Variants in MTMR10 observed in about 807,000 individuals in gnomAD.
MTMR10 encodes myotubularin-related protein 10.
In MTMR10, 56 loss-of-function variants were observed where a neutral mutation model predicts 88.1. That is an observed-to-expected ratio of 0.64 (90% CI 0.51 to 0.79). The LOEUF is 0.79. MTMR10 is among the 30% of genes least tolerant of loss of function. The pLI is 0.00. For missense variants in MTMR10, 883 were observed against 924.7 expected (o/e 0.95, Z 0.58); for synonymous variants, 380 against 340.9 (o/e 1.11, Z -1.26).
intron 6 of MTMR10, among the ~76,000 whole-genome samples, chr15:30,964,647 C>T (rs1178596678): frequency 6.6e-6 from 1 of 152,178 alleles, no homozygotes; most frequent in East Asian, 1.9e-4. Context: ...ATACCAGTGG[C>T]CTGCTCTATG....
intron 15 of MTMR10, chr15:30,942,488 C>G (rs2063088363): frequency 7.7e-6 from 2 of 258,692 alleles, no homozygotes; most frequent in South Asian, 1.0e-4. Flanking sequence ...AAAAAAAATC[C>G]CAAGAATTTA....
intron 6 of MTMR10, among the ~76,000 whole-genome samples, chr15:30,963,264 T>C (rs2063427557): frequency 6.6e-6 from 1 of 152,134 alleles, no homozygotes; most frequent in Admixed American, 6.5e-5. Flanking sequence ...GGAGGGGCTA[T>C]GTTAGGAATT....
intron 14 of MTMR10, among the ~76,000 whole-genome samples, chr15:30,945,833 G>A (rs1301696200): frequency 1.3e-5 from 2 of 152,188 alleles, no homozygotes; most frequent in Non-Finnish European, 2.9e-5. Flanking sequence ...CTATCACCCA[G>A]GCTGGAGTGC....
At chr15:30,991,420 G>A (rs780427101) in intron 1 of MTMR10, 27 bp downstream of exon 1, 3 of 1,467,514 alleles carry the variant, frequency 2.0e-6, no homozygotes, top group South Asian at 1.4e-5. Context: ...GAGGAGAGTC[G>A]GGCGCTCGCG....
intron 6 of MTMR10, among the ~76,000 whole-genome samples, chr15:30,965,183 A>T (rs772205851): frequency 2.6e-5 from 4 of 152,236 alleles, no homozygotes; most frequent in Non-Finnish European, 5.9e-5. Context: ...CTATTCTGAG[A>T]ATCTTAAGCA....
At chr15:30,942,270 A>C in intron 15 of MTMR10, 198 bp from the exon 16 acceptor site, 1 of 678,046 alleles carries the variant, frequency 1.5e-6, no homozygotes. Context: ...GACTCTACCT[A>C]GGCTGTTACT....
At chr15:30,937,408 C>T, downstream of MTMR10, 4 of 624,192 alleles carry the variant, frequency 6.4e-6, no homozygotes, top group African/African-American at 1.9e-5. Flanking sequence ...ACAGTGTTTG[C>T]TTGAATACAC....
chr15:30,926,868 G>A, the MTMR10 span: 10 of 985,432 alleles, frequency 1.0e-5, no homozygotes, highest in African/African-American at 1.7e-4. Context: ...TCGATGCCGT[G>A]AAACTGGGCT....
At chr15:30,955,364 G>A (rs1324876981) in intron 9 of MTMR10, among the ~76,000 whole-genome samples, 2 of 152,148 alleles carry the variant, frequency 1.3e-5, no homozygotes, top group African/African-American at 4.8e-5. Context: ...TCCCCCTCCC[G>A]GGTTCAAGCG....
At chr15:30,927,134 A>T in the MTMR10 span, 1 of 892,270 alleles carries the variant, frequency 1.1e-6, no homozygotes, top group Non-Finnish European at 1.3e-6. Context: ...TCTTGACCCC[A>T]GGAGGTCAAG....
At position 30,941,535 on chromosome 15, in the gene MTMR10, A is replaced by G. The variant is rs1169006979; in HGVS notation, c.2269T>C (p.Leu757=). 1.2e-6 allele frequency: 2 copies of G among 1,609,714 alleles called. No individual in the cohort carries two copies. The highest frequency in any genetic ancestry group is 1.3e-5 in the African/African-American group (1 of 74,848). The part of the protein sequence containing the change: ...LCRRSILGTP[L]SKFLSGAKIW... Reference sequence around the variant, plus strand: ...TTGGCCCCACTTAAAAATTTGCTTAATGGTGTTCCTAAAATGCTTCGTCTG... The same window carrying G: ...TTGGCCCCACTTAAAAATTTGCTTAGTGGTGTTCCTAAAATGCTTCGTCTG... The change falls in exon 16 of 16, where the codon TTA becomes CTA. Residue 757 remains leucine (L), a synonymous_variant. Transcript: ENST00000435680.
chr15:30,960,663 C>T (rs2141022871), intron 7 of MTMR10, among the ~76,000 whole-genome samples: 1 of 152,314 alleles, frequency 6.6e-6, no homozygotes, highest in East Asian at 1.9e-4. Flanking sequence ...ACACTGACTA[C>T]TGATGACAGT....
intron 2 of MTMR10, among the ~76,000 whole-genome samples, chr15:30,987,698 T>A (rs969691180): frequency 7.9e-5 from 12 of 152,226 alleles, no homozygotes; most frequent in Admixed American, 5.9e-4. Flanking sequence ...TTTTATTTTT[T>A]TTTTTAAGTT....
chr15:30,923,724 G>A, the MTMR10 span, among the ~76,000 whole-genome samples: 1 of 152,224 alleles, frequency 6.6e-6, no homozygotes, highest in Non-Finnish European at 1.5e-5. Flanking sequence ...GCCCTTCAGA[G>A]TCTCATTCTC....
At chr15:30,928,272 T>C in the MTMR10 span, 4 of 1,214,604 alleles carry the variant, frequency 3.3e-6, no homozygotes, top group South Asian at 7.8e-5. Flanking sequence ...GGTTATTCAC[T>C]AAAGTTTGAG....
At chr15:30,920,575 G>A in the MTMR10 span, 9 of 1,611,420 alleles carry the variant, frequency 5.6e-6, no homozygotes, top group South Asian at 5.5e-5. Flanking sequence ...TCTTCCTGCG[G>A]TGTTTCACTG....
At chr15:30,971,223 G>A (rs2063534327) in intron 5 of MTMR10, among the ~76,000 whole-genome samples, 1 of 151,998 alleles carries the variant, frequency 6.6e-6, no homozygotes, top group African/African-American at 2.4e-5. Context: ...AGAAAATGTT[G>A]GTATTAAAGA....
downstream of MTMR10, chr15:30,937,287 C>T (rs774163119): frequency 2.5e-6 from 4 of 1,581,316 alleles, no homozygotes; most frequent in South Asian, 3.5e-5. Flanking sequence ...TTTGGTCATA[C>T]ATTAATGTAA....
chr15:30,982,409 C>T (rs1221835283), intron 2 of MTMR10, among the ~76,000 whole-genome samples: 3 of 152,008 alleles, frequency 2.0e-5, no homozygotes, highest in Non-Finnish European at 4.4e-5. Flanking sequence ...TTTTGTACAA[C>T]TCTTACAAAT....
Sources: gnomAD v4.1 joint callset for allele counts (sites outside exome capture counted in the v4.1 genomes callset) on GRCh38, gnomAD v4.1.1 for gene constraint, MANE v1.5 for transcripts, NCBI Gene and HGNC (gene_info 2026-07-23, HGNC 2026-07-21) for gene names.